The following TMEM272 variants were observed in gnomAD, a reference collection of about 807,000 sequenced individuals.
TMEM272 encodes long intergenic non-protein coding RNA 282.
Under a neutral mutation model 3.7 loss-of-function variants are expected in TMEM272, and 8 were observed. That is an observed-to-expected ratio of 2.17 (90% CI 1.27 to 3.91). The LOEUF (loss-of-function observed/expected upper bound fraction) is 3.91. Among genes scored for constraint, TMEM272 ranks in the 30% most tolerant of loss-of-function variants. The pLI is 0.00. For missense variants in TMEM272, 166 were observed against 91.5 expected (o/e 1.81, Z -3.32); for synonymous variants, 63 against 39.8 (o/e 1.58, Z -2.20).
the TMEM272 span, among the ~76,000 whole-genome samples, chr13:51,916,931 G>A: frequency 1.3e-5 from 2 of 152,172 alleles, no homozygotes; most frequent in Non-Finnish European, 2.9e-5. Flanking sequence ...CTGGGAAGCT[G>A]CGTGATCACC....
In TMEM272 at chr13:51,829,581, C is replaced by T. The variant is rs532617691; in HGVS notation, c.59-2956G>A. ...GGCAAAGGATAGAAATTCAAGGGGT[C>T]GATGAATCCTATTCTGCATTTTTGA... On this transcript the variant is annotated intron_variant, in intron 2 of 4. Coordinates refer to ENST00000629372, the MANE Select transcript of TMEM272 (RefSeq NM_001351003.2). Among the ~76,000 whole-genome samples, 8 of 152,140 alleles carry T rather than the reference C, an allele frequency of 5.3e-5. No individual in the cohort carries two copies. The East Asian group carries it at 1.4e-3, about 26-fold the overall frequency.
At position 51,816,808 on chromosome 13, in the gene TMEM272, C is replaced by T. The variant is rs1358707114; in HGVS notation, c.507G>A (p.Leu169=). The T allele has an allele frequency of 4.3e-6, 3 of 702,860 alleles. No homozygotes were observed. The highest frequency in any genetic ancestry group is 7.8e-6 in the Non-Finnish European group (3 of 384,992). 43.5% of individuals were successfully genotyped at this position (702,860 alleles called of 1,614,324 possible). Residue 169 remains leucine, a synonymous_variant, in exon 5 of 5, where the codon CTG becomes CTA. Coordinates refer to ENST00000629372, the MANE Select transcript of TMEM272 (RefSeq NM_001351003.2). ...LSHTVLVLLL[L]CSGCVYLCSR... The stretch of plus-strand genomic sequence containing the variant: ...AGCACAGGTAGACACAGCCGCTGCA[C>T]AGCAGGAGCAAGACCAGCACAGTGT...
At chr13:51,833,562 G>A (rs540362745) in intron 2 of TMEM272, among the ~76,000 whole-genome samples, 2 of 152,262 alleles carry the variant, frequency 1.3e-5, no homozygotes, top group African/African-American at 4.8e-5. Flanking sequence ...AGTAAAGAAT[G>A]ACTGAAGTGC....
the TMEM272 span, among the ~76,000 whole-genome samples, chr13:51,926,631 T>TTGTGGG: frequency 5.4e-5 from 8 of 146,798 alleles, no homozygotes; most frequent in Middle Eastern, 3.2e-3. Context: ...TGGGGCGGGT[T>TTGTGGG]TGTGGGTGTG....
chr13:51,912,691 T>G, the TMEM272 span, among the ~76,000 whole-genome samples: 1 of 152,192 alleles, frequency 6.6e-6, no homozygotes, highest in African/African-American at 2.4e-5. Flanking sequence ...CCAGTGGCAC[T>G]GACCTCGGTG....
the TMEM272 span, among the ~76,000 whole-genome samples, chr13:51,877,219 T>A: frequency 6.6e-6 from 1 of 152,206 alleles, no homozygotes; most frequent in Non-Finnish European, 1.5e-5. Flanking sequence ...ACTAAACACT[T>A]CAGAAGATTA....
chr13:51,907,515 A>C, the TMEM272 span, among the ~76,000 whole-genome samples: 3 of 152,192 alleles, frequency 2.0e-5, no homozygotes, highest in African/African-American at 7.2e-5. Flanking sequence ...GGTACCAGAC[A>C]ACTAGGGACA....
At chr13:51,908,124 G>T in the TMEM272 span, 1 of 496,340 alleles carries the variant, frequency 2.0e-6, no homozygotes, top group Non-Finnish European at 3.8e-6. Context: ...TTCAATTTGA[G>T]CAAAAGTGTA....
chr13:51,837,696 C>T (rs1029515864), intron 2 of TMEM272, among the ~76,000 whole-genome samples: 2 of 152,174 alleles, frequency 1.3e-5, no homozygotes, highest in African/African-American at 4.8e-5. Context: ...GTGCAGGAAA[C>T]GTCATGGGAG....
chr13:51,852,469 T>C, the TMEM272 span, among the ~76,000 whole-genome samples: 1 of 152,256 alleles, frequency 6.6e-6, no homozygotes, highest in Non-Finnish European at 1.5e-5. Context: ...CTGGTGTGGC[T>C]AGAAACAGTT....
the TMEM272 span, among the ~76,000 whole-genome samples, chr13:51,898,914 C>T: frequency 2.6e-5 from 4 of 152,150 alleles, no homozygotes; most frequent in African/African-American, 9.7e-5. Context: ...TTCTCTGCCT[C>T]AATCCCTGCT....
chr13:51,926,030 A>G, the TMEM272 span, among the ~76,000 whole-genome samples: 1 of 151,900 alleles, frequency 6.6e-6, no homozygotes, highest in Non-Finnish European at 1.5e-5. Context: ...TGTGAGGTGC[A>G]TGTGGTATGT....
At chr13:51,844,066 T>C (rs1246421687) in intron 1 of TMEM272, among the ~76,000 whole-genome samples, 1 of 152,178 alleles carries the variant, frequency 6.6e-6, no homozygotes. Flanking sequence ...CAACAACACT[T>C]ATCTGCTCCA....
chr13:51,913,506 G>C, the TMEM272 span, among the ~76,000 whole-genome samples: 2 of 152,278 alleles, frequency 1.3e-5, no homozygotes, highest in Non-Finnish European at 2.9e-5. Context: ...TGATGAGCAG[G>C]CCCCTCAGTC....
At chr13:51,896,490 A>G in the TMEM272 span, among the ~76,000 whole-genome samples, 1 of 152,278 alleles carries the variant, frequency 6.6e-6, no homozygotes, top group African/African-American at 2.4e-5. Context: ...CCTGGCTAAA[A>G]TGCTCAGGGC....
upstream of TMEM272, among the ~76,000 whole-genome samples, chr13:51,849,684 G>C (rs1956322347): frequency 6.6e-6 from 1 of 152,214 alleles, no homozygotes; most frequent in Non-Finnish European, 1.5e-5. Flanking sequence ...CCGCTGTCAG[G>C]TTTCCCGCCT....
chr13:51,895,608 G>C, the TMEM272 span, among the ~76,000 whole-genome samples: 55 of 152,212 alleles, frequency 3.6e-4, no homozygotes, highest in Middle Eastern at 3.4e-3. Context: ...GGGCTACCAA[G>C]ATAGCAGACC....
chr13:51,905,896 C>T, the TMEM272 span, among the ~76,000 whole-genome samples: 7 of 152,186 alleles, frequency 4.6e-5, no homozygotes, highest in Non-Finnish European at 7.3e-5. Flanking sequence ...GAAGGCTTCA[C>T]CTGTGGCTCT....
At chr13:51,902,870 G>A in the TMEM272 span, among the ~76,000 whole-genome samples, 232 of 152,352 alleles carry the variant, frequency 1.5e-3, no homozygotes, top group African/African-American at 4.7e-3. Flanking sequence ...GACAGCAATT[G>A]GTTATTGGCT....
Sources: gnomAD v4.1 joint callset for allele counts (sites outside exome capture counted in the v4.1 genomes callset) on GRCh38, gnomAD v4.1.1 for gene constraint, MANE v1.5 for transcripts, NCBI Gene and HGNC (gene_info 2026-07-23, HGNC 2026-07-21) for gene names.